The following MGAT5B variants were observed in gnomAD, a reference collection of about 807,000 sequenced individuals.
The protein encoded by MGAT5B is N-acetylglucosaminyl-transferase Vb.
Under a neutral mutation model 95.1 loss-of-function variants are expected in MGAT5B, and 54 were observed. That is an observed-to-expected ratio of 0.57 (90% CI 0.46 to 0.71). MGAT5B has a LOEUF of 0.71. Ranked by LOEUF, MGAT5B falls within the 30% of genes least tolerant of loss-of-function variation. MGAT5B has a pLI of 0.00. For synonymous variants in MGAT5B, 464 were observed against 451.0 expected (o/e 1.03, Z -0.36); for missense variants, 935 against 1,088.6 (o/e 0.86, Z 1.99).
chr17:76,905,064 A>G lies in MGAT5B; in HGVS notation c.691-105A>G. 2 of 1,234,944 alleles carry G rather than the reference A, an allele frequency of 1.6e-6. No homozygotes were observed. Among genetic ancestry groups the G allele is most frequent in the Admixed American group, 2.8e-5 (1 of 35,772 alleles). 76.5% of individuals were successfully genotyped at this position (1,234,944 alleles called of 1,614,324 possible). Reference sequence around the variant, plus strand: ...TAGAAAGTGCAGGAGAAGCTGGAGCAGGCCCCAGCCTCATGGGAGGGTGCC... The same window carrying G: ...TAGAAAGTGCAGGAGAAGCTGGAGCGGGCCCCAGCCTCATGGGAGGGTGCC... On this transcript the variant is annotated intron_variant, in intron 6 of 17. Coordinates refer to ENST00000569840, the MANE Select transcript of MGAT5B (RefSeq NM_001199172.2). This position sits in a 1 kb window ranked among gnomAD's most constrained non-coding sequence, Gnocchi z 4.2.
intron 3 of MGAT5B, among the ~76,000 whole-genome samples, chr17:76,886,956 A>C (rs34826511): frequency 0.059 from 8,994 of 152,268 alleles, 714 homozygotes; most frequent in African/African-American, 0.17. Flanking sequence ...AGGCAGGAGA[A>C]TCGCTTGAAG....
rs554241683 is a variant in MGAT5B at position 76,915,088 on chromosome 17, G to A, written c.1025+8901G>A. Among the ~76,000 whole-genome samples, 5 of 152,182 alleles carry A rather than the reference G, an allele frequency of 3.3e-5. No individual in the cohort carries two copies. Among genetic ancestry groups the A allele is most frequent in the Non-Finnish European group, 7.3e-5 (5 of 68,030 alleles). ...GATTAGGACTTCACCCTCCTTCAGC[G>A]GCCACAGTTCAGCCCACGATCAAAG... On this transcript the variant is annotated intron_variant, in intron 8 of 17. Transcript: ENST00000569840. The surrounding 1 kb of genome is among the most constrained non-coding windows in gnomAD (Gnocchi z 8.7).
intron 2 of MGAT5B, 37 bp from the exon 3 acceptor site, chr17:76,882,114 C>A: frequency 1.9e-6 from 3 of 1,563,282 alleles, no homozygotes; most frequent in South Asian, 2.4e-5. Context: ...CCAGGCTGCT[C>A]GGGCCTCCCC....
chr17:76,872,515 G>A, intron 1 of MGAT5B: 1 of 675,390 alleles, frequency 1.5e-6, no homozygotes, highest in East Asian at 2.9e-5. Context: ...AGGTGATGCT[G>A]ACTGCTCGTC....
intron 10 of MGAT5B, among the ~76,000 whole-genome samples, chr17:76,927,574 C>T (rs779875914): frequency 3.8e-4 from 58 of 152,166 alleles, no homozygotes; most frequent in Admixed American, 3.9e-4. Flanking sequence ...AAAATGTATA[C>T]ACACACTGAC....
chr17:76,896,546 C>G (rs1224634412), intron 3 of MGAT5B, among the ~76,000 whole-genome samples: 3 of 152,216 alleles, frequency 2.0e-5, no homozygotes, highest in African/African-American at 7.2e-5. Flanking sequence ...GTATTGAGCA[C>G]CTCCTGTATG....
intron 10 of MGAT5B, among the ~76,000 whole-genome samples, chr17:76,929,734 C>G (rs1191058201): frequency 1.3e-5 from 2 of 152,322 alleles, no homozygotes; most frequent in South Asian, 4.1e-4. Context: ...TCCCATCTAG[C>G]TGGCTGATTT....
rs535267171 is a variant in MGAT5B at position 76,903,880 on chromosome 17, C to T, written c.520-372C>T. Among the ~76,000 whole-genome samples the T allele has an allele frequency of 5.3e-5, 8 of 152,326 alleles. No individual in the cohort carries two copies. The South Asian group carries it at 6.2e-4, about 12-fold the overall frequency. Reference sequence around the variant, plus strand: ...ATCCCGCCCTGGCTCCAGCCCTGGCCGCCTTGGAGGCTGCTCCCTGACCTT... The same window carrying T: ...ATCCCGCCCTGGCTCCAGCCCTGGCTGCCTTGGAGGCTGCTCCCTGACCTT... On this transcript the variant is annotated intron_variant, in intron 5 of 17. Coordinates refer to ENST00000569840, the MANE Select transcript of MGAT5B (RefSeq NM_001199172.2).
intron 3 of MGAT5B, among the ~76,000 whole-genome samples, chr17:76,884,417 G>C (rs1443236478): frequency 3.3e-5 from 5 of 151,670 alleles, no homozygotes; most frequent in Non-Finnish European, 5.9e-5. Context: ...CCCTTTCTAA[G>C]AGGTTTTATT....
intron 10 of MGAT5B, among the ~76,000 whole-genome samples, chr17:76,928,983 A>G (rs1969402224): frequency 6.6e-6 from 1 of 151,442 alleles, no homozygotes; most frequent in South Asian, 2.1e-4. Flanking sequence ...CTTGTGCATT[A>G]GCTTTTGGAG....
At chr17:76,937,771 A>T (rs1276157786) in intron 12 of MGAT5B, among the ~76,000 whole-genome samples, 2 of 152,228 alleles carry the variant, frequency 1.3e-5, no homozygotes, top group African/African-American at 2.4e-5. Flanking sequence ...CATGGCTAAA[A>T]GTAATCCTGA....
chr17:76,889,134 G>C lies in MGAT5B; in HGVS notation c.329+6836G>C, dbSNP rs568808216. Among the ~76,000 whole-genome samples the C allele has an allele frequency of 6.6e-6, 1 of 152,330 alleles. No individual in the cohort carries two copies. Among genetic ancestry groups the C allele is most frequent in the African/African-American group, 2.4e-5 (1 of 41,568 alleles). On this transcript the variant is annotated intron_variant, in intron 3 of 17. Transcript: ENST00000569840. This position sits in a 1 kb window ranked among gnomAD's most constrained non-coding sequence, Gnocchi z 4.4. ...ACTCAGGCCCAGGTCTCCCATGCCA[G>C]GTACACCGAGCTGTTTTGCAGATGC...
chr17:76,878,622 A>G (rs1967286601), intron 2 of MGAT5B, among the ~76,000 whole-genome samples: 1 of 152,050 alleles, frequency 6.6e-6, no homozygotes, highest in Non-Finnish European at 1.5e-5. Context: ...TTACAGGCAC[A>G]TGCCACCATG....
chr17:76,915,271 C>T lies in MGAT5B; in HGVS notation c.1025+9084C>T, dbSNP rs796803354. Among the ~76,000 whole-genome samples, 2 of 145,950 alleles carry T rather than the reference C, an allele frequency of 1.4e-5. No individual in the cohort carries two copies. The highest frequency in any genetic ancestry group is 5.1e-5 in the African/African-American group (2 of 39,440). ...CCCAGGAGGAGGGACAGGGACAGCT[C>T]TTCTGCCCTGAGAGGAGAGAAGGAG... On this transcript the variant is annotated intron_variant, in intron 8 of 17. Coordinates refer to ENST00000569840, the MANE Select transcript of MGAT5B (RefSeq NM_001199172.2). This position sits in a 1 kb window ranked among gnomAD's most constrained non-coding sequence, Gnocchi z 8.7.
intron 3 of MGAT5B, among the ~76,000 whole-genome samples, chr17:76,891,465 C>T (rs1184375201): frequency 7.3e-5 from 11 of 151,392 alleles, no homozygotes; most frequent in African/African-American, 2.4e-4. Flanking sequence ...CTACAACCTC[C>T]GCCTTCTGGG....
chr17:76,872,644 G>T, intron 1 of MGAT5B: 1 of 1,460,272 alleles, frequency 6.8e-7, no homozygotes. Context: ...CGTGTGGCTC[G>T]AGGCCAGCAT....
intron 1 of MGAT5B, 43 bp from the exon 2 acceptor site, chr17:76,872,808 T>C: frequency 6.2e-7 from 1 of 1,614,130 alleles, no homozygotes; most frequent in Non-Finnish European, 8.5e-7. Flanking sequence ...CAGGGCACGA[T>C]GGCCCTTCCT....
At chr17:76,919,473 A>T (rs1030936645) in intron 8 of MGAT5B, among the ~76,000 whole-genome samples, 1 of 152,266 alleles carries the variant, frequency 6.6e-6, no homozygotes, top group Non-Finnish European at 1.5e-5. Context: ...TCTGTTGCCC[A>T]GGCTAGAGTG....
chr17:76,942,571 C>T (rs551621487), intron 15 of MGAT5B, among the ~76,000 whole-genome samples: 20 of 152,242 alleles, frequency 1.3e-4, no homozygotes, highest in African/African-American at 3.9e-4. Context: ...CCCTTGGCCA[C>T]GCCCTAGGAA....
Sources: allele counts gnomAD v4.1 joint callset (sites outside exome capture counted in the v4.1 genomes callset), GRCh38; gene constraint gnomAD v4.1.1; non-coding constraint Gnocchi (gnomAD v3.1); transcripts MANE v1.5; gene names NCBI Gene and HGNC (gene_info 2026-07-23, HGNC 2026-07-21).